The following RARB variants were observed in gnomAD, a reference collection of about 807,000 sequenced individuals.
RARB encodes the protein retinoic acid receptor beta, also known as HBV-activated protein.
In RARB, 17 loss-of-function variants were observed where a neutral mutation model predicts 51.9. That is an observed-to-expected ratio of 0.33 (90% CI 0.22 to 0.49). The LOEUF (loss-of-function observed/expected upper bound fraction) is 0.49, where lower values mean the gene tolerates loss of function less well. RARB is among the 20% of genes least tolerant of loss of function. The pLI is 0.99. For missense variants in RARB, 369 were observed against 550.8 expected, an observed-to-expected ratio of 0.67 and a Z score of 3.30; for synonymous variants, 215 against 195.4, an observed-to-expected ratio of 1.10 and a Z score of -0.84.
At chr3:25,583,343 G>A (rs556245923) in intron 5 of RARB, among the ~76,000 whole-genome samples, 9 of 152,290 alleles carry the variant, frequency 5.9e-5, no homozygotes, top group East Asian at 3.9e-4. Context: ...GTAACCAGGC[G>A]GATGGACAGA....
At chr3:25,304,624 A>G (rs982292943) in intron 5 of RARB, among the ~76,000 whole-genome samples, 3 of 152,064 alleles carry the variant, frequency 2.0e-5, no homozygotes, top group African/African-American at 7.2e-5. Context: ...CCAGAATCTA[A>G]CCACTGATTC....
intron 2 of RARB, among the ~76,000 whole-genome samples, chr3:24,878,052 A>G (rs939202223): frequency 1.2e-4 from 19 of 152,202 alleles, no homozygotes; most frequent in African/African-American, 4.3e-4. Flanking sequence ...CAAAATGAGA[A>G]CAGTAAAGAA....
At chr3:25,487,580 G>C (rs1223040115) in intron 2 of RARB, among the ~76,000 whole-genome samples, 1 of 151,620 alleles carries the variant, frequency 6.6e-6, no homozygotes, top group Non-Finnish European at 1.5e-5. Flanking sequence ...CAATGATTCA[G>C]ATCAGTATAT....
chr3:25,356,866 AG>A (rs1705757464), intron 5 of RARB, among the ~76,000 whole-genome samples: 2 of 152,158 alleles, frequency 1.3e-5, no homozygotes, highest in Admixed American at 6.5e-5. Flanking sequence ...ATGGCTGCAT[AG>A]TATTCCATGG....
At chr3:25,385,357 A>C (rs943773982) in intron 5 of RARB, among the ~76,000 whole-genome samples, 14 of 152,220 alleles carry the variant, frequency 9.2e-5, no homozygotes, top group Non-Finnish European at 1.5e-4. Context: ...TTCAAGGGAC[A>C]GAAACTCACC....
At chr3:25,013,391 G>C (rs752589231) in intron 2 of RARB, among the ~76,000 whole-genome samples, 1 of 152,012 alleles carries the variant, frequency 6.6e-6, no homozygotes, top group Non-Finnish European at 1.5e-5. Context: ...AAATGTACTT[G>C]GTTTCACTGA....
intron 2 of RARB, among the ~76,000 whole-genome samples, chr3:25,001,267 T>C (rs1171426190): frequency 2.6e-5 from 4 of 152,194 alleles, no homozygotes; most frequent in Non-Finnish European, 5.9e-5. Flanking sequence ...CAGCTGTGGT[T>C]TTTATTTCTA....
At chr3:25,385,339 T>C (rs1336772937) in intron 5 of RARB, among the ~76,000 whole-genome samples, 1 of 152,170 alleles carries the variant, frequency 6.6e-6, no homozygotes, top group Non-Finnish European at 1.5e-5. Context: ...CTCTGGATCC[T>C]TCAAGGGTTC....
At chr3:25,364,762 A>G (rs1706059106) in intron 5 of RARB, among the ~76,000 whole-genome samples, 2 of 152,320 alleles carry the variant, frequency 1.3e-5, no homozygotes, top group African/African-American at 4.8e-5. Context: ...TTTACCAGCA[A>G]TTCAATATAT....
chr3:24,855,749 T>TTC, intron 1 of RARB, among the ~76,000 whole-genome samples: 1 of 146,516 alleles, frequency 6.8e-6, no homozygotes, highest in African/African-American at 2.6e-5. Context: ...TCTGCATTTT[T>TTC]TTTTTTTTTT....
At chr3:25,174,595 G>A (rs771799525) in intron 5 of RARB, 19 of 1,351,588 alleles carry the variant, frequency 1.4e-5, no homozygotes, top group African/African-American at 1.3e-4. Flanking sequence ...GCTGGAATTT[G>A]CTCTCTTTTC....
At chr3:25,157,775 C>A (rs1185062253) in intron 4 of RARB, among the ~76,000 whole-genome samples, 3 of 152,160 alleles carry the variant, frequency 2.0e-5, no homozygotes. Flanking sequence ...TTTTTTAAAT[C>A]AGAAAGCTGA....
At chr3:25,068,301 T>C (rs922004774) in intron 3 of RARB, among the ~76,000 whole-genome samples, 2 of 151,894 alleles carry the variant, frequency 1.3e-5, no homozygotes, top group Non-Finnish European at 2.9e-5. Context: ...CTTGCTCTTT[T>C]CTAAGAGTTG....
chr3:25,304,215 TCC>T, intron 5 of RARB, among the ~76,000 whole-genome samples: 1 of 152,346 alleles, frequency 6.6e-6, no homozygotes, highest in East Asian at 1.9e-4. Flanking sequence ...TGTACTGGGC[TCC>T]TCTAACCTTA....
intron 5 of RARB, among the ~76,000 whole-genome samples, chr3:25,401,318 T>A (rs962926): frequency 0.65 from 98,960 of 151,996 alleles, 32,467 homozygotes; most frequent in East Asian, 0.83. Flanking sequence ...AGATTTACCT[T>A]CAGAAAGGGT....
chr3:25,138,170 G>C (rs377177326), intron 4 of RARB, among the ~76,000 whole-genome samples: 1 of 152,204 alleles, frequency 6.6e-6, no homozygotes, highest in African/African-American at 2.4e-5. Context: ...AACATCTGGC[G>C]TGGCCCAATA....
At chr3:25,326,870 G>T (rs976728502) in intron 5 of RARB, among the ~76,000 whole-genome samples, 1 of 151,890 alleles carries the variant, frequency 6.6e-6, no homozygotes, top group African/African-American at 2.4e-5. Context: ...TTAACTTTTA[G>T]GGTACATGTG....
intron 3 of RARB, among the ~76,000 whole-genome samples, chr3:25,105,274 T>G (rs1699477305): frequency 6.6e-6 from 1 of 152,064 alleles, no homozygotes; most frequent in African/African-American, 2.4e-5. Flanking sequence ...AGCTTTAGGA[T>G]GTGCATTCAG....
chr3:25,418,018 C>T (rs1015321576), intron 5 of RARB, among the ~76,000 whole-genome samples: 12 of 150,738 alleles, frequency 8.0e-5, no homozygotes, highest in South Asian at 2.1e-4. Context: ...TGCAGTATTC[C>T]ACTTGGTAGG....
Sources: gnomAD v4.1 joint callset for allele counts (sites outside exome capture counted in the v4.1 genomes callset) on GRCh38, gnomAD v4.1.1 for gene constraint, MANE v1.5 for transcripts, NCBI Gene and HGNC (gene_info 2026-07-23, HGNC 2026-07-21) for gene names.